STPG2: variants seen among roughly 807,000 people sequenced by gnomAD.
STPG2 encodes sperm-tail PG-rich repeat-containing protein 2.
STPG2 carries 56 observed loss-of-function variants against 54.2 expected under a neutral mutation model. That is an observed-to-expected ratio of 1.03 (90% CI 0.83 to 1.29). The LOEUF is 1.29. Ranked by LOEUF, STPG2 falls within the 50% of genes most tolerant of loss-of-function variation. The pLI is 0.00. For missense variants in STPG2, 596 were observed against 544.9 expected, an observed-to-expected ratio of 1.09 and a Z score of -0.93; for synonymous variants, 200 against 181.8, an observed-to-expected ratio of 1.10 and a Z score of -0.81.
At chr4:97,923,725 C>G (rs1732222412) in intron 8 of STPG2, among the ~76,000 whole-genome samples, 1 of 152,126 alleles carries the variant, frequency 6.6e-6, no homozygotes, top group Admixed American at 6.5e-5. Flanking sequence ...GTATCTAGCT[C>G]AAGGTTTGTA....
At chr4:97,816,923 T>C (rs1219955962) in intron 9 of STPG2, among the ~76,000 whole-genome samples, 3 of 148,616 alleles carry the variant, frequency 2.0e-5, no homozygotes, top group African/African-American at 7.3e-5. Context: ...TACATAAATA[T>C]AAATATACAT....
At chr4:97,693,893 A>C (rs1723464312) in intron 10 of STPG2, among the ~76,000 whole-genome samples, 1 of 152,148 alleles carries the variant, frequency 6.6e-6, no homozygotes, top group Non-Finnish European at 1.5e-5. Flanking sequence ...CATGGAAATT[A>C]AATAACCTGC....
At chr4:97,857,059 CA>C (rs1729361029) in intron 8 of STPG2, among the ~76,000 whole-genome samples, 1 of 152,052 alleles carries the variant, frequency 6.6e-6, no homozygotes, top group African/African-American at 2.4e-5. Flanking sequence ...TCCAGTTTGC[CA>C]GTATTTTATT....
At chr4:97,688,282 A>G (rs915990011) in intron 10 of STPG2, among the ~76,000 whole-genome samples, 2 of 152,234 alleles carry the variant, frequency 1.3e-5, no homozygotes, top group African/African-American at 4.8e-5. Context: ...CACATTAAAG[A>G]AAATAAATGT....
At chr4:97,716,926 T>G (rs1364607658) in intron 9 of STPG2, among the ~76,000 whole-genome samples, 1 of 152,086 alleles carries the variant, frequency 6.6e-6, no homozygotes, top group African/African-American at 2.4e-5. Context: ...TCCATTGAAA[T>G]TTCATGGTTT....
At chr4:98,032,993 G>A (rs971515584) in intron 5 of STPG2, among the ~76,000 whole-genome samples, 12 of 152,028 alleles carry the variant, frequency 7.9e-5, no homozygotes, top group Non-Finnish European at 1.2e-4. Context: ...AAGCAGGAAC[G>A]AACTAAAATC....
intron 4 of STPG2, among the ~76,000 whole-genome samples, chr4:97,483,615 C>T (rs1259474849): frequency 6.6e-6 from 1 of 151,860 alleles, no homozygotes; most frequent in Non-Finnish European, 1.5e-5. Context: ...GACAGCAACA[C>T]AATAGTAGTG....
chr4:97,740,665 G>C (rs1240892771), intron 9 of STPG2, among the ~76,000 whole-genome samples: 1 of 152,114 alleles, frequency 6.6e-6, no homozygotes, highest in Middle Eastern at 3.4e-3. Flanking sequence ...GGGATGTGAA[G>C]GACCTCTTCA....
intron 10 of STPG2, among the ~76,000 whole-genome samples, chr4:97,657,937 G>A (rs1383563420): frequency 6.6e-6 from 1 of 152,342 alleles, no homozygotes; most frequent in East Asian, 1.9e-4. Context: ...GCTGAAGACT[G>A]TGTGAGAAAC....
At chr4:97,665,410 T>A (rs1196287173) in intron 10 of STPG2, among the ~76,000 whole-genome samples, 2 of 152,084 alleles carry the variant, frequency 1.3e-5, no homozygotes, top group Non-Finnish European at 2.9e-5. Flanking sequence ...AGCGAGGATG[T>A]CCCAACAAGT....
At chr4:97,941,732 A>C (rs1732992690) in intron 8 of STPG2, among the ~76,000 whole-genome samples, 1 of 152,074 alleles carries the variant, frequency 6.6e-6, no homozygotes, top group Non-Finnish European at 1.5e-5. Flanking sequence ...TAATAAAATT[A>C]ATTCCATTAC....
intron 7 of STPG2, among the ~76,000 whole-genome samples, chr4:97,955,128 G>GA (rs1249076053): frequency 6.6e-6 from 1 of 150,608 alleles, no homozygotes; most frequent in Non-Finnish European, 1.5e-5. Flanking sequence ...TGAAATAGAT[G>GA]AAAAAAAGTA....
chr4:98,092,412 A>C (rs961922926), intron 5 of STPG2, among the ~76,000 whole-genome samples: 1 of 152,184 alleles, frequency 6.6e-6, no homozygotes, highest in Admixed American at 6.5e-5. Flanking sequence ...CTCAAAACCA[A>C]GGCCACTACC....
chr4:97,522,422 A>G (rs577073091), intron 4 of STPG2, among the ~76,000 whole-genome samples: 2 of 152,154 alleles, frequency 1.3e-5, no homozygotes, highest in East Asian at 3.9e-4. Flanking sequence ...CATAATTTCA[A>G]CTAGTTAAGA....
chr4:97,906,546 T>G (rs377164354), intron 8 of STPG2, among the ~76,000 whole-genome samples: 6 of 152,188 alleles, frequency 3.9e-5, no homozygotes, highest in East Asian at 3.9e-4. Context: ...TACCAAAGCC[T>G]GGCAGAGACA....
intron 9 of STPG2, among the ~76,000 whole-genome samples, chr4:97,800,568 C>T (rs936511923): frequency 3.9e-5 from 6 of 152,182 alleles, no homozygotes; most frequent in Non-Finnish European, 7.3e-5. Context: ...GGTACCCGGC[C>T]GTGTGAGGTG....
At chr4:97,801,414 C>T (rs977070561) in intron 9 of STPG2, among the ~76,000 whole-genome samples, 1 of 152,154 alleles carries the variant, frequency 6.6e-6, no homozygotes, top group Admixed American at 6.6e-5. Context: ...TTTCTACATC[C>T]CTTCATCAAC....
At chr4:97,479,005 A>T (rs1421189120) in intron 4 of STPG2, among the ~76,000 whole-genome samples, 1 of 151,656 alleles carries the variant, frequency 6.6e-6, no homozygotes, top group Non-Finnish European at 1.5e-5. Context: ...TAATAATTGG[A>T]TCCCTACAAC....
At chr4:98,116,086 T>C (rs1578177605) in intron 3 of STPG2, among the ~76,000 whole-genome samples, 1 of 152,026 alleles carries the variant, frequency 6.6e-6, no homozygotes, top group East Asian at 1.9e-4. Context: ...ATCAAATAAA[T>C]GTCTTCTTCT....
Sources: gnomAD v4.1 joint callset for allele counts (sites outside exome capture counted in the v4.1 genomes callset) on GRCh38, gnomAD v4.1.1 for gene constraint, MANE v1.5 for transcripts, NCBI Gene and HGNC (gene_info 2026-07-23, HGNC 2026-07-21) for gene names.